The following PIK3R1 variants were observed in gnomAD, a reference collection of about 807,000 sequenced individuals.
The protein encoded by PIK3R1 is phosphatidylinositol 3-kinase regulatory subunit alpha.
Under a neutral mutation model 98.0 loss-of-function variants are expected in PIK3R1, and 29 were observed. The ratio of observed to expected loss-of-function variants is 0.30; its 90% CI spans 0.22 to 0.40. The LOEUF is 0.40. PIK3R1 is among the 10% of genes least tolerant of loss of function. The pLI, the probability that PIK3R1 is intolerant of heterozygous loss-of-function variation, is 1.00. For synonymous variants in PIK3R1, 282 were observed against 311.8 expected, an observed-to-expected ratio of 0.90 and a Z score of 1.01; for missense variants, 596 against 872.7, an observed-to-expected ratio of 0.68 and a Z score of 3.99.
intron 2 of PIK3R1, among the ~76,000 whole-genome samples, chr5:68,258,321 C>G (rs543006474): frequency 1.3e-5 from 2 of 152,248 alleles, no homozygotes; most frequent in South Asian, 4.1e-4. Context: ...ACTGCATGTT[C>G]TGGAAAAAGG....
chr5:68,256,196 CAAAA>C (rs368442648), intron 2 of PIK3R1, among the ~76,000 whole-genome samples: 3,482 of 150,838 alleles, frequency 0.023, 74 homozygotes, highest in African/African-American at 0.049. Flanking sequence ...CTTTGAATAT[CAAAA>C]AAAAAGTATA....
At chr5:68,260,732 C>T (rs1745704769) in intron 2 of PIK3R1, among the ~76,000 whole-genome samples, 1 of 152,142 alleles carries the variant, frequency 6.6e-6, no homozygotes, top group African/African-American at 2.4e-5. Flanking sequence ...TCACCTCTCT[C>T]TCTTCATATT....
intron 2 of PIK3R1, among the ~76,000 whole-genome samples, chr5:68,237,503 G>T (rs1003895911): frequency 6.6e-6 from 1 of 151,702 alleles, no homozygotes; most frequent in African/African-American, 2.4e-5. Flanking sequence ...GTGTGACATT[G>T]CCCAGAGATA....
Position 68,263,151 on chromosome 5 carries a change from A to G in PIK3R1, c.335-10239A>G, listed in dbSNP as rs940498653. ...TACATAGATACATATATATTTATAT[A>G]TGTACATATATCTACATATATATCT... On this transcript the variant is annotated intron_variant, in intron 2 of 15. Transcript: ENST00000521381. Among the ~76,000 whole-genome samples the G allele has an allele frequency of 2.7e-5, 4 of 145,784 alleles. 1 individual carries two copies. The highest frequency in any genetic ancestry group is 6.0e-5 in the Non-Finnish European group (4 of 66,326).
intron 7 of PIK3R1, chr5:68,291,497 A>T (rs1355563296): frequency 6.6e-6 from 1 of 152,158 alleles, no homozygotes; most frequent in Admixed American, 6.5e-5. Context: ...TTTTATTCCA[A>T]TGTTAGCTCT....
At position 68,293,727 on chromosome 5, in the gene PIK3R1, G is replaced by A. The variant is rs1269228161; in HGVS notation, c.1318G>A (p.Asp440Asn). Residue 440 changes from aspartate (D) to asparagine (N), a missense_variant, in exon 11 of 16, where the codon GAT becomes AAT. This residue lies in a region of PIK3R1 where 207 missense variants were observed against 361.4 expected (regional missense o/e 0.57). Coordinates refer to ENST00000521381, the MANE Select transcript of PIK3R1 (RefSeq NM_181523.3). ...TTTCTAGGATCAAGTTGTCAAAGAA[G>A]ATAATATTGAAGCTGTAGGGAAAAA... The part of the protein sequence containing the change: ...KYQQDQVVKE[D>N]NIEAVGKKLH... The A allele has an allele frequency of 1.4e-6, 2 of 1,473,716 alleles. No homozygotes were observed. Among genetic ancestry groups the A allele is most frequent in the East Asian group, 2.3e-5 (1 of 43,910 alleles). The allele number at this position is 1,473,716 out of a possible 1,614,324, so 91.3% of individuals were successfully genotyped here. A position where few individuals can be genotyped will look rare whatever the true frequency, so the allele number is the denominator to read the frequency against.
At chr5:68,297,074 C>T (rs575355257) in intron 15 of PIK3R1, among the ~76,000 whole-genome samples, 1 of 152,320 alleles carries the variant, frequency 6.6e-6, no homozygotes, top group East Asian at 1.9e-4. Context: ...AGATAGTTGT[C>T]CTCATCATGA....
chr5:68,275,279 G>C (rs138681298), intron 4 of PIK3R1, among the ~76,000 whole-genome samples: 6 of 152,270 alleles, frequency 3.9e-5, no homozygotes, highest in Non-Finnish European at 7.4e-5. Flanking sequence ...AACACTCAAG[G>C]TGAAAAGGCT....
intron 4 of PIK3R1, among the ~76,000 whole-genome samples, chr5:68,278,589 G>A (rs896051946): frequency 5.3e-5 from 8 of 152,154 alleles, no homozygotes; most frequent in African/African-American, 1.9e-4. Context: ...AAATGTTTGG[G>A]TTCTGTATTC....
intron 2 of PIK3R1, among the ~76,000 whole-genome samples, chr5:68,241,566 A>G (rs1744874080): frequency 6.6e-6 from 1 of 152,242 alleles, no homozygotes; most frequent in Admixed American, 6.5e-5. Context: ...GCTTTGTTCC[A>G]GGCACCATGT....
chr5:68,251,221 C>G (rs1298875234), intron 2 of PIK3R1, among the ~76,000 whole-genome samples: 1 of 151,962 alleles, frequency 6.6e-6, no homozygotes, highest in Non-Finnish European at 1.5e-5. Flanking sequence ...GGTAAAATTC[C>G]TGGATCCTAG....
At chr5:68,235,401 A>AAAAT (rs145734363) in intron 2 of PIK3R1, among the ~76,000 whole-genome samples, 13,651 of 145,286 alleles carry the variant, frequency 0.094, 802 homozygotes, top group African/African-American at 0.16. Flanking sequence ...AAAGTGTCTC[A>AAAAT]AAATAAATAA....
At position 68,298,220 on chromosome 5, in the gene PIK3R1, G is replaced by A. The variant is rs942191668; in HGVS notation, c.*619G>A. ...ATTCTGTCATAGAAAGTGCCAGAAA[G>A]TGTTTAACTTGTCAAAAAACAAAAA... On this transcript the variant is annotated 3_prime_UTR_variant, in exon 16 of 16. Coordinates refer to ENST00000521381, the MANE Select transcript of PIK3R1 (RefSeq NM_181523.3). 4 of 232,682 alleles carry A rather than the reference G, an allele frequency of 1.7e-5. No homozygotes were observed. Among genetic ancestry groups the A allele is most frequent in the African/African-American group, 8.8e-5 (4 of 45,286 alleles). 14.4% of individuals were successfully genotyped at this position (232,682 alleles called of 1,614,324 possible).
At position 68,293,093 on chromosome 5, in the gene PIK3R1, C is replaced by G. The variant is rs770213442; in HGVS notation, c.1020-8C>G. On this transcript the variant is annotated splice_polypyrimidine_tract_variant and splice_region_variant and intron_variant, in intron 8 of 15. Transcript: ENST00000521381. ...TAAGATGAGCATTGTTTTGTGTTTT[C>G]ATTTCAGGGAAGAAGTGAATGAAAA... 28 of 1,605,150 alleles carry G rather than the reference C, an allele frequency of 1.7e-5. No individual in the cohort carries two copies. In the Middle Eastern group the frequency reaches 6.6e-4, roughly 38 times the overall value.
At position 68,298,980 on chromosome 5, in the gene PIK3R1, GCTT is replaced by G. The variant is rs1203306359; in HGVS notation, c.*1385_*1387del. 4.3e-5 allele frequency: 10 copies of G among 233,322 alleles called. No individual in the cohort carries two copies. The highest frequency in any genetic ancestry group is 2.0e-4 in the African/African-American group (9 of 45,320). The allele number at this position is 233,322 out of a possible 1,614,324, so 14.5% of individuals were successfully genotyped here. ...AAGTGAATAACTGCAAAGTGAAGTT[GCTT>G]CTTCTACTTCAGTCTTCTCTCACTT... On this transcript the variant is annotated 3_prime_UTR_variant, in exon 16 of 16. Transcript: ENST00000521381.
chr5:68,219,693 G>A (rs147411493), intron 1 of PIK3R1, among the ~76,000 whole-genome samples: 8 of 152,304 alleles, frequency 5.3e-5, no homozygotes, highest in Non-Finnish European at 1.0e-4. Flanking sequence ...TTAAGACAGC[G>A]GGAGTTTTAT....
At chr5:68,278,197 T>C (rs251410) in intron 4 of PIK3R1, among the ~76,000 whole-genome samples, 149,809 of 152,088 alleles carry the variant, frequency 0.99, 73,790 homozygotes, top group East Asian at 1. Context: ...ATTATTGGAT[T>C]GCTTGACCTG....
At chr5:68,269,348 A>T (rs1746254549) in intron 2 of PIK3R1, among the ~76,000 whole-genome samples, 1 of 152,224 alleles carries the variant, frequency 6.6e-6, no homozygotes, top group Admixed American at 6.5e-5. Context: ...CCCATTACTT[A>T]TTCAGGTATA....
At chr5:68,226,112 G>A (rs577728664) in intron 1 of PIK3R1, among the ~76,000 whole-genome samples, 178 bp from the exon 2 acceptor site, 2 of 152,002 alleles carry the variant, frequency 1.3e-5, no homozygotes, top group Non-Finnish European at 2.9e-5. Context: ...GCCCCCGCCC[G>A]GTGTTCTTAG....
Sources: allele counts gnomAD v4.1 joint callset (sites outside exome capture counted in the v4.1 genomes callset), GRCh38; gene constraint gnomAD v4.1.1; regional missense constraint gnomAD v4.1.1; transcripts MANE v1.5; gene names NCBI Gene and HGNC (gene_info 2026-07-23, HGNC 2026-07-21).